ADH7: variants seen among roughly 807,000 people sequenced by gnomAD.
ADH7 encodes alcohol dehydrogenase 7 (class IV), mu or sigma polypeptide, also known as all-trans-retinol dehydrogenase [NAD(+)] ADH7.
ADH7 carries 41 observed loss-of-function variants against 34.4 expected under a neutral mutation model. The ratio of observed to expected loss-of-function variants is 1.19; its 90% CI spans 0.93 to 1.55. The LOEUF (loss-of-function observed/expected upper bound fraction) is 1.55, where lower values mean the gene tolerates loss of function less well. ADH7 is among the 40% of genes most tolerant of loss of function. The pLI is 0.00. For missense variants in ADH7, 540 were observed against 461.2 expected (o/e 1.17, Z -1.56); for synonymous variants, 180 against 160.9 (o/e 1.12, Z -0.90).
chr4:99,421,470 C>T (rs1001205504), intron 5 of ADH7, among the ~76,000 whole-genome samples: 1 of 152,152 alleles, frequency 6.6e-6, no homozygotes, highest in African/African-American at 2.4e-5. Flanking sequence ...CAGACTGGAC[C>T]CCTTCCTTAC....
At chr4:99,415,314 G>T in intron 8 of ADH7, 164 bp downstream of exon 8, 8 of 729,368 alleles carry the variant, frequency 1.1e-5, no homozygotes, top group Non-Finnish European at 1.6e-5. Flanking sequence ...ATAGTAGTAT[G>T]AAAATACACT....
chr4:99,420,500 G>A (rs757627420), intron 6 of ADH7, 33 bp downstream of exon 6: 4 of 1,602,102 alleles, frequency 2.5e-6, no homozygotes, highest in Admixed American at 3.4e-5. Context: ...AATAACTTGG[G>A]TATTTTGTGG....
chr4:99,427,279 T>G (rs1031665911), intron 5 of ADH7, among the ~76,000 whole-genome samples: 6 of 152,150 alleles, frequency 3.9e-5, no homozygotes, highest in African/African-American at 1.2e-4. Flanking sequence ...TAGGTGGTAA[T>G]CAAAATGATT....
intron 7 of ADH7, among the ~76,000 whole-genome samples, chr4:99,417,036 C>T (rs1721535724): frequency 6.6e-6 from 1 of 152,144 alleles, no homozygotes; most frequent in African/African-American, 2.4e-5. Flanking sequence ...GAGCTGACTA[C>T]TTCTCACCAG....
At chr4:99,421,840 C>T (rs1323727667) in intron 5 of ADH7, among the ~76,000 whole-genome samples, 1 of 151,982 alleles carries the variant, frequency 6.6e-6, no homozygotes. Flanking sequence ...AAAGTGGTCA[C>T]AGGATATGAA....
intron 5 of ADH7, among the ~76,000 whole-genome samples, chr4:99,423,167 G>T (rs1348205384): frequency 6.6e-6 from 1 of 150,498 alleles, no homozygotes; most frequent in Non-Finnish European, 1.5e-5. Flanking sequence ...TGAGAATGAT[G>T]GTTTCCAGCT....
rs1721895917 is a variant in ADH7 at position 99,429,633 on chromosome 4, C to G, written c.19G>C (p.Val7Leu). ...AGCACAGCTGCTTTGCATTTAATAACCTAAGAAATAGGCAAGTATTATAAT... is the reference window on the plus strand; with the variant it reads ...AGCACAGCTGCTTTGCATTTAATAAGCTAAGAAATAGGCAAGTATTATAAT... MGTAGKVIKCKAAVLWE... is the reference protein window; with the variant it reads MGTAGKLIKCKAAVLWE... The change falls in exon 2 of 9, where the codon GTT (valine) becomes CTT (leucine). Residue 7 changes from valine (V) to leucine (L), a missense_variant and splice_region_variant. Coordinates refer to ENST00000437033, the MANE Select transcript of ADH7 (RefSeq NM_000673.7). 5 of 1,605,084 alleles carry G rather than the reference C, an allele frequency of 3.1e-6. No homozygotes were observed. The African/African-American group carries it at 6.7e-5, about 21-fold the overall frequency.
chr4:99,432,090 G>C (rs770830087), intron 1 of ADH7, among the ~76,000 whole-genome samples: 6 of 152,100 alleles, frequency 3.9e-5, no homozygotes, highest in Non-Finnish European at 8.8e-5. Context: ...TGCTAGACTA[G>C]ATAAAGAAAA....
chr4:99,430,520 AAAAT>A (rs1721916922), intron 1 of ADH7, among the ~76,000 whole-genome samples: 1 of 152,222 alleles, frequency 6.6e-6, no homozygotes, highest in Non-Finnish European at 1.5e-5. Context: ...GTTCAGATGC[AAAAT>A]AAGTTACCTT....
rs773943319 is a variant in ADH7 at position 99,428,154 on chromosome 4, A to G, written c.280T>C (p.Phe94Leu). 6.2e-7 allele frequency: 1 copy of G among 1,613,846 alleles called. No individual in the cohort carries two copies. The part of the protein sequence containing the change: ...VKPGDKVIPL[F>L]LPQCRECNAC... ...TTGCATTCTCTACATTGTGGCAGAA[A>G]GAGAGGGATGACTTTGTCACCTACA... Residue 94 changes from phenylalanine (F) to leucine (L), a missense_variant, in exon 4 of 9, where the codon TTT becomes CTT. Coordinates refer to ENST00000437033, the MANE Select transcript of ADH7 (RefSeq NM_000673.7).
intron 1 of ADH7, among the ~76,000 whole-genome samples, chr4:99,432,460 CTAAAA>C (rs1462467110): frequency 6.6e-6 from 1 of 151,870 alleles, no homozygotes; most frequent in Non-Finnish European, 1.5e-5. Context: ...ACCCCTGAAC[CTAAAA>C]TAAAAGTTAA....
chr4:99,433,108 T>A (rs894142402), intron 1 of ADH7, among the ~76,000 whole-genome samples: 1 of 152,178 alleles, frequency 6.6e-6, no homozygotes, highest in African/African-American at 2.4e-5. Flanking sequence ...TATTTAAGGA[T>A]GTTGTGGCAT....
Position 99,429,553 on chromosome 4 carries a change from C to A in ADH7, c.99G>T (p.Lys33Asn). 4 of 1,612,070 alleles carry A rather than the reference C, an allele frequency of 2.5e-6. No homozygotes were observed. The highest frequency in any genetic ancestry group is 3.4e-6 in the Non-Finnish European group (4 of 1,178,982). ...SIEEIEVAPP[K>N]TKEVRIKILA... ...TTACCTTAATGCGAACTTCTTTAGTCTTTGGTGGGGCAACTTCTATTTCCT... is the reference window on the plus strand; with the variant it reads ...TTACCTTAATGCGAACTTCTTTAGTATTTGGTGGGGCAACTTCTATTTCCT... The change falls in exon 2 of 9, where the codon AAG becomes AAT. Residue 33 changes from lysine (K) to asparagine (N), a missense_variant. Lys to Asn is a moderately conservative substitution (Grantham distance 94). Coordinates refer to ENST00000437033, the MANE Select transcript of ADH7 (RefSeq NM_000673.7).
At chr4:99,426,990 G>T (rs1279966287) in intron 5 of ADH7, among the ~76,000 whole-genome samples, 3 of 152,068 alleles carry the variant, frequency 2.0e-5, no homozygotes, top group Admixed American at 6.6e-5. Flanking sequence ...TGCAGAAAAG[G>T]CCTTTGACAA....
At chr4:99,426,060 G>C (rs1370467571) in intron 5 of ADH7, among the ~76,000 whole-genome samples, 8 of 152,184 alleles carry the variant, frequency 5.3e-5, no homozygotes, top group Non-Finnish European at 1.0e-4. Flanking sequence ...ATTCAAAGCA[G>C]TGTGTAGAGA....
intron 5 of ADH7, among the ~76,000 whole-genome samples, chr4:99,423,169 T>C (rs1333294057): frequency 6.6e-6 from 1 of 151,220 alleles, no homozygotes; most frequent in African/African-American, 2.4e-5. Context: ...AGAATGATGG[T>C]TTCCAGCTTC....
chr4:99,418,284 A>T (rs1036817401), intron 7 of ADH7, among the ~76,000 whole-genome samples: 1 of 152,082 alleles, frequency 6.6e-6, no homozygotes, highest in Non-Finnish European at 1.5e-5. Flanking sequence ...AAGAACAATC[A>T]TTTTCTCCTT....
intron 8 of ADH7, among the ~76,000 whole-genome samples, chr4:99,413,403 G>A (rs1441223308): frequency 1.3e-5 from 2 of 152,124 alleles, no homozygotes; most frequent in Non-Finnish European, 2.9e-5. Flanking sequence ...CCAACAAGAG[G>A]GAAGTGGTTT....
intron 7 of ADH7, among the ~76,000 whole-genome samples, chr4:99,417,285 G>A (rs920929381): frequency 6.6e-6 from 1 of 151,998 alleles, no homozygotes; most frequent in African/African-American, 2.4e-5. Flanking sequence ...ATAATTTAAG[G>A]TCCTCTGACC....
Sources: gnomAD v4.1 joint callset for allele counts (sites outside exome capture counted in the v4.1 genomes callset) on GRCh38, gnomAD v4.1.1 for gene constraint, MANE v1.5 for transcripts, NCBI Gene and HGNC (gene_info 2026-07-23, HGNC 2026-07-21) for gene names.